Variants in BPTF observed in about 807,000 individuals in gnomAD.
The protein encoded by BPTF is nucleosome-remodeling factor subunit BPTF.
BPTF carries 18 observed loss-of-function variants against 292.5 expected under a neutral mutation model. The observed-to-expected ratio is 0.06, with a 90% CI of 0.04 to 0.09. The LOEUF (loss-of-function observed/expected upper bound fraction) is 0.09. BPTF is among the 10% of genes least tolerant of loss of function. The pLI, the probability that BPTF is intolerant of heterozygous loss-of-function variation, is 1.00. For missense variants in BPTF, 2,726 were observed against 3,498.7 expected, an observed-to-expected ratio of 0.78 and a Z score of 5.57; for synonymous variants, 1,225 against 1,251.9, an observed-to-expected ratio of 0.98 and a Z score of 0.45.
chr17:67,917,427 T>C (rs1047939685), intron 11 of BPTF, among the ~76,000 whole-genome samples: 8 of 152,006 alleles, frequency 5.3e-5, no homozygotes, highest in Admixed American at 2.0e-4. Flanking sequence ...CCAGCTGATA[T>C]TGTCCTTTTT....
chr17:67,913,277 T>TA (rs2062769154), intron 11 of BPTF, 90 bp downstream of exon 11: 1 of 1,466,226 alleles, frequency 6.8e-7, no homozygotes, highest in African/African-American at 1.4e-5. Context: ...AATGAGATAA[T>TA]AGAGATAAGA....
chr17:67,983,631 G>A lies in BPTF; in HGVS notation c.*1343G>A, dbSNP rs782451271. On this transcript the variant is annotated 3_prime_UTR_variant, in exon 28 of 28. Transcript: ENST00000306378. Reference sequence around the variant, plus strand: ...TATTTTGCATGTTTTTCCTTTCAGTGTTCTTACACGTTGTATCACTGCATT... The same window carrying A: ...TATTTTGCATGTTTTTCCTTTCAGTATTCTTACACGTTGTATCACTGCATT... 2.0e-5 allele frequency: 3 copies of A among 152,460 alleles called. No homozygotes were observed. The highest frequency in any genetic ancestry group is 4.4e-5 in the Non-Finnish European group (3 of 68,024). 9.4% of individuals were successfully genotyped at this position (152,460 alleles called of 1,614,324 possible).
intron 1 of BPTF, among the ~76,000 whole-genome samples, chr17:67,852,527 T>A (rs1289594049): frequency 6.6e-6 from 1 of 152,186 alleles, no homozygotes; most frequent in Non-Finnish European, 1.5e-5. Flanking sequence ...GTTCATTCCT[T>A]CTGCTTAACA....
intron 20 of BPTF, 69 bp from the exon 21 acceptor site, chr17:67,945,340 T>A: frequency 9.7e-6 from 15 of 1,541,332 alleles, no homozygotes; most frequent in African/African-American, 1.4e-5. Flanking sequence ...AAGATTTCCT[T>A]CAGATTCTTC....
At chr17:67,872,951 G>A (rs1230627052) in intron 3 of BPTF, among the ~76,000 whole-genome samples, 4 of 152,134 alleles carry the variant, frequency 2.6e-5, no homozygotes, top group African/African-American at 9.7e-5. Context: ...GCCAGGCGTG[G>A]TGACACATAC....
intron 4 of BPTF, among the ~76,000 whole-genome samples, chr17:67,879,136 CT>C (rs58205471): frequency 0.13 from 14,962 of 118,928 alleles, 2,086 homozygotes; most frequent in African/African-American, 0.42. Flanking sequence ...TTAATTATTT[CT>C]TTTTTTTTTT....
chr17:67,888,064 C>T (rs1387325694), intron 4 of BPTF, among the ~76,000 whole-genome samples: 4 of 152,110 alleles, frequency 2.6e-5, no homozygotes, highest in African/African-American at 4.8e-5. Flanking sequence ...GAAACAGGGA[C>T]GCTGCAAATA....
intron 1 of BPTF, 125 bp from the exon 2 acceptor site, chr17:67,853,815 A>AT: frequency 1.3e-6 from 1 of 745,212 alleles, no homozygotes; most frequent in East Asian, 2.5e-5. Flanking sequence ...TCTTCGTATT[A>AT]TTTTAACTTG....
At chr17:67,880,958 T>TAC (rs71993218) in intron 4 of BPTF, among the ~76,000 whole-genome samples, 1,540 of 149,004 alleles carry the variant, frequency 0.01, 27 homozygotes, top group African/African-American at 0.034. Flanking sequence ...TATATATATA[T>TAC]ACACACACAC....
intron 1 of BPTF, among the ~76,000 whole-genome samples, chr17:67,848,997 T>C (rs1436813293): frequency 1.3e-5 from 2 of 152,216 alleles, no homozygotes; most frequent in Non-Finnish European, 2.9e-5. Flanking sequence ...GGGCGTACAT[T>C]AATGTCTTTG....
In BPTF at chr17:67,903,932, C is replaced by T; in HGVS notation, c.2673+14C>T. ...GTTAAGCATCAGGTAATTTTTACAA[C>T]AACCCTTTAAAATAGTGTTAGCCAT... On this transcript the variant is annotated intron_variant, in intron 8 of 27. Coordinates refer to ENST00000306378, the MANE Select transcript of BPTF (RefSeq NM_182641.4). The T allele has an allele frequency of 6.3e-7, 1 of 1,577,756 alleles. No individual in the cohort carries two copies. Among genetic ancestry groups the T allele is most frequent in the Non-Finnish European group, 8.6e-7 (1 of 1,169,534 alleles).
intron 23 of BPTF, among the ~76,000 whole-genome samples, chr17:67,954,594 A>G (rs2066745855): frequency 6.6e-6 from 1 of 152,172 alleles, no homozygotes; most frequent in Non-Finnish European, 1.5e-5. Context: ...GCAGGCCTGC[A>G]GTTTTAGTCC....
chr17:67,853,174 T>C (rs1567902911), intron 1 of BPTF, among the ~76,000 whole-genome samples: 1 of 152,238 alleles, frequency 6.6e-6, no homozygotes, highest in African/African-American at 2.4e-5. Context: ...CTCTCAGTTA[T>C]TTATATTGAT....
chr17:67,924,713 T>G, intron 15 of BPTF, 124 bp downstream of exon 15: 1 of 1,074,834 alleles, frequency 9.3e-7, no homozygotes, highest in Admixed American at 2.3e-5. Flanking sequence ...CATACATACA[T>G]TTTTTAGCCA....
chr17:67,923,757 A>G (rs1431987785), intron 14 of BPTF, among the ~76,000 whole-genome samples: 1 of 151,290 alleles, frequency 6.6e-6, no homozygotes, highest in African/African-American at 2.4e-5. Flanking sequence ...TGGGATTACA[A>G]GTGTGAGCCA....
chr17:67,912,279 C>G lies in BPTF; in HGVS notation c.4395C>G (p.Phe1465Leu), dbSNP rs770124718. The change falls in exon 11 of 28, where the codon TTC (phenylalanine) becomes TTG (leucine). Residue 1465 changes from phenylalanine to leucine, a missense_variant. This residue lies in a region of BPTF where 713 missense variants were observed against 714.9 expected (regional missense o/e 1.00). Coordinates refer to ENST00000306378, the MANE Select transcript of BPTF (RefSeq NM_182641.4). ...LTVKESAIRPFINGDVIMEDF... is the reference protein window; with the variant it reads ...LTVKESAIRPLINGDVIMEDF... ...TTAAAGAATCTGCTATAAGGCCATTCATTAATGGTGATGTCATCATGGAAG... is the reference window on the plus strand; with the variant it reads ...TTAAAGAATCTGCTATAAGGCCATTGATTAATGGTGATGTCATCATGGAAG... 1.9e-6 allele frequency: 3 copies of G among 1,613,614 alleles called. No individual in the cohort carries two copies. The highest frequency in any genetic ancestry group is 1.1e-5 in the South Asian group (1 of 91,050).
intron 2 of BPTF, among the ~76,000 whole-genome samples, chr17:67,864,207 A>G (rs572300001): frequency 5.5e-4 from 84 of 152,300 alleles, no homozygotes; most frequent in African/African-American, 1.9e-3. Flanking sequence ...TAAACTGTAT[A>G]TAGGCCAAGT....
Position 67,854,406 on chromosome 17 carries a change from G to C in BPTF, c.1080G>C (p.Lys360Asn). The C allele has an allele frequency of 1.9e-6, 3 of 1,614,182 alleles. No homozygotes were observed. The highest frequency in any genetic ancestry group is 2.5e-6 in the Non-Finnish European group (3 of 1,180,028). Residue 360 changes from lysine to asparagine, a missense_variant, in exon 2 of 28, where the codon AAG (lysine) becomes AAC (asparagine). Transcript: ENST00000306378. This position sits in a 1 kb window ranked among gnomAD's most constrained non-coding sequence, Gnocchi z 5.6. ...EDYPYGPVEN[K>N]IKVLQFLVDQ... is the part of the protein sequence containing the mutation. ...ACCCATATGGACCAGTAGAGAACAA[G>C]ATCAAAGTTCTACAGTTTCTAGTCG...
At chr17:67,864,257 G>A (rs1473068408) in intron 2 of BPTF, among the ~76,000 whole-genome samples, 4 of 152,170 alleles carry the variant, frequency 2.6e-5, no homozygotes, top group East Asian at 1.9e-4. Context: ...CCGGTGCGGT[G>A]GCTCGTGCCT....
Sources: allele counts gnomAD v4.1 joint callset (sites outside exome capture counted in the v4.1 genomes callset), GRCh38; gene constraint gnomAD v4.1.1; regional missense constraint gnomAD v4.1.1; non-coding constraint Gnocchi (gnomAD v3.1); transcripts MANE v1.5; gene names NCBI Gene and HGNC (gene_info 2026-07-23, HGNC 2026-07-21).